Variants in MIGA1 observed in about 807,000 individuals in gnomAD.
MIGA1 encodes the protein family with sequence similarity 73, member A.
MIGA1 carries 58 observed loss-of-function variants against 82.0 expected under a neutral mutation model. The ratio of observed to expected loss-of-function variants is 0.71; its 90% CI spans 0.57 to 0.88. MIGA1 has a LOEUF of 0.88. MIGA1 is among the 40% of genes least tolerant of loss of function. MIGA1 has a pLI of 0.00. For missense variants in MIGA1, 751 were observed against 749.1 expected, an observed-to-expected ratio of 1.00 and a Z score of -0.03; for synonymous variants, 249 against 253.6, an observed-to-expected ratio of 0.98 and a Z score of 0.17.
intron 5 of MIGA1, chr1:77,811,231 C>T: frequency 6.4e-7 from 1 of 1,560,514 alleles, no homozygotes; most frequent in South Asian, 1.1e-5. Flanking sequence ...GGGATCGATG[C>T]ACTGCCCAGC....
chr1:77,826,906 G>GT (rs1684047488), intron 7 of MIGA1, among the ~76,000 whole-genome samples: 1 of 151,712 alleles, frequency 6.6e-6, no homozygotes, highest in African/African-American at 2.4e-5. Context: ...CTGGGTTCAA[G>GT]TGATTCTCCT....
chr1:77,816,976 T>C (rs1283011449), intron 7 of MIGA1, among the ~76,000 whole-genome samples: 1 of 152,186 alleles, frequency 6.6e-6, no homozygotes, highest in Admixed American at 6.5e-5. Context: ...CCTGGGACTT[T>C]TAATGTCTTA....
At chr1:77,793,506 C>G (rs1382656291) in intron 2 of MIGA1, among the ~76,000 whole-genome samples, 1 of 152,124 alleles carries the variant, frequency 6.6e-6, no homozygotes, top group East Asian at 1.9e-4. Flanking sequence ...ATCATCCAGA[C>G]TGGAATGCAG....
At chr1:77,839,356 T>G (rs558361527) in intron 7 of MIGA1, among the ~76,000 whole-genome samples, 34 of 152,110 alleles carry the variant, frequency 2.2e-4, no homozygotes, top group Non-Finnish European at 3.1e-4. Context: ...AAATGTTGAC[T>G]AAGATGAAGC....
chr1:77,811,565 G>T, intron 5 of MIGA1: 1 of 1,610,556 alleles, frequency 6.2e-7, no homozygotes, highest in Non-Finnish European at 8.5e-7. Flanking sequence ...GCTGCACTTC[G>T]CAATTCCAAG....
chr1:77,818,581 A>G (rs1683670281), intron 7 of MIGA1, among the ~76,000 whole-genome samples: 1 of 152,170 alleles, frequency 6.6e-6, no homozygotes, highest in African/African-American at 2.4e-5. Context: ...CTAGCTATTA[A>G]CACACAGGGG....
chr1:77,782,347 C>T (rs548511331), intron 1 of MIGA1, among the ~76,000 whole-genome samples: 1 of 152,212 alleles, frequency 6.6e-6, no homozygotes, highest in East Asian at 1.9e-4. Flanking sequence ...GATTTTTGCA[C>T]TCATCAGGCA....
At position 77,840,350 on chromosome 1, in the gene MIGA1, G is replaced by A. The variant is rs1306279443; in HGVS notation, c.896-2957G>A. On this transcript the variant is annotated intron_variant, in intron 7 of 15. Coordinates refer to ENST00000370791, the MANE Select transcript of MIGA1 (RefSeq NM_198549.4). ...TACAAGTATGGTAACTGATCTGGAT[G>A]ACATTGAATAGCTGGTTATTGTTGA... 2.0e-5 allele frequency among the ~76,000 whole-genome samples: 3 copies of A among 152,262 alleles called. No homozygotes were observed. In the East Asian group the frequency reaches 5.8e-4, roughly 29 times the overall value.
intron 1 of MIGA1, among the ~76,000 whole-genome samples, chr1:77,781,274 C>G (rs968923719): frequency 3.9e-5 from 6 of 152,114 alleles, no homozygotes; most frequent in African/African-American, 9.7e-5. Flanking sequence ...TATTTTCTTT[C>G]TATTCTGCTT....
intron 2 of MIGA1, among the ~76,000 whole-genome samples, chr1:77,788,507 C>T (rs550943739): frequency 1.3e-5 from 2 of 152,174 alleles, no homozygotes; most frequent in African/African-American, 4.8e-5. Context: ...TTCATCAAGT[C>T]TTGTTTGTAT....
intron 8 of MIGA1, chr1:77,847,246 A>G: frequency 1.9e-6 from 2 of 1,048,182 alleles, no homozygotes; most frequent in Non-Finnish European, 3.0e-6. Context: ...AAGCCTTCAG[A>G]GGGAAGCTGC....
chr1:77,805,641 TG>T (rs1391165156), intron 4 of MIGA1, among the ~76,000 whole-genome samples: 13 of 151,834 alleles, frequency 8.6e-5, no homozygotes, highest in African/African-American at 3.1e-4. Flanking sequence ...GTGATTCTCC[TG>T]CCTCAGCCTC....
chr1:77,848,163 C>G (rs774508833), intron 8 of MIGA1: 139 of 1,415,848 alleles, frequency 9.8e-5, no homozygotes, highest in Middle Eastern at 7.1e-4. Flanking sequence ...AAGGGATTCT[C>G]ATAGGCACAG....
intron 7 of MIGA1, among the ~76,000 whole-genome samples, chr1:77,836,911 T>A (rs1363644246): frequency 6.6e-6 from 1 of 151,962 alleles, no homozygotes; most frequent in Admixed American, 6.6e-5. Context: ...AGAAAATGGC[T>A]TTTTTTCCCA....
chr1:77,838,348 ATTAT>A (rs1553221677), intron 7 of MIGA1, among the ~76,000 whole-genome samples: 4 of 149,256 alleles, frequency 2.7e-5, no homozygotes, highest in Non-Finnish European at 6.0e-5. Flanking sequence ...TTATTTATTT[ATTAT>A]TTATTTATTT....
Position 77,798,017 on chromosome 1 carries a change from T to C in MIGA1, c.196-3314T>C, listed in dbSNP as rs151039742. Among the ~76,000 whole-genome samples the C allele has an allele frequency of 2.6e-5, 4 of 152,370 alleles. No homozygotes were observed. The East Asian group carries it at 5.8e-4, about 22-fold the overall frequency. On this transcript the variant is annotated intron_variant, in intron 2 of 15. Coordinates refer to ENST00000370791, the MANE Select transcript of MIGA1 (RefSeq NM_198549.4). Reference sequence around the variant, plus strand: ...CATCCTTGCCTTGTTCATGATCTTATGGGGAAAGCATTTAGTTTTTCACCA... The same window carrying C: ...CATCCTTGCCTTGTTCATGATCTTACGGGGAAAGCATTTAGTTTTTCACCA...
At chr1:77,866,247 C>A (rs1460099306) in intron 13 of MIGA1, 91 bp from the exon 14 acceptor site, 1 of 1,171,654 alleles carries the variant, frequency 8.5e-7, no homozygotes, top group Non-Finnish European at 1.3e-6. Flanking sequence ...ATGTATTGAA[C>A]GTTTTAGACC....
In MIGA1 at chr1:77,843,383, GGAT is replaced by G; in HGVS notation, c.973_975del (p.Asp325del). 1 of 1,613,924 alleles carries G rather than the reference GGAT, an allele frequency of 6.2e-7. No homozygotes were observed. Among genetic ancestry groups the G allele is most frequent in the East Asian group, 2.2e-5 (1 of 44,866 alleles). On this transcript the variant is annotated inframe_deletion, in exon 8 of 16. Transcript: ENST00000370791. ...GAGACACCTTGAGCATCGCATCCAC[GGAT>G]TCCTTTGCTTCCGCAGCAGAGGTAG...
intron 11 of MIGA1, 150 bp from the exon 12 acceptor site, chr1:77,861,074 G>A (rs919689978): frequency 1.2e-5 from 7 of 562,242 alleles, no homozygotes; most frequent in East Asian, 3.0e-5. Context: ...TAGCAAAGTA[G>A]TAAACCAGAT....
Sources: gnomAD v4.1 joint callset for allele counts (sites outside exome capture counted in the v4.1 genomes callset) on GRCh38, gnomAD v4.1.1 for gene constraint, MANE v1.5 for transcripts, NCBI Gene and HGNC (gene_info 2026-07-23, HGNC 2026-07-21) for gene names.